The following SYNE2 variants were observed in gnomAD, a reference collection of about 807,000 sequenced individuals.
SYNE2 encodes spectrin repeat containing nuclear envelope protein 2.
In SYNE2, 431 loss-of-function variants were observed where a neutral mutation model predicts 856.3. The observed-to-expected ratio is 0.50, with a 90% CI of 0.47 to 0.55. SYNE2 has a LOEUF of 0.55. Ranked by LOEUF, SYNE2 falls within the 20% of genes least tolerant of loss-of-function variation. The probability of loss-of-function intolerance (pLI) is 0.00; values close to 1 mark genes in which losing one functional copy is unlikely to be tolerated. For missense variants in SYNE2, 8,129 were observed against 8,023.2 expected (o/e 1.01, Z -0.50); for synonymous variants, 2,923 against 2,872.3 (o/e 1.02, Z -0.56).
intron 2 of SYNE2, among the ~76,000 whole-genome samples, chr14:63,927,891 GA>G (rs985000511): frequency 2.1e-4 from 31 of 145,202 alleles, no homozygotes; most frequent in South Asian, 6.6e-4. Context: ...GACTCCATCT[GA>G]AAAAAAAAAA....
intron 70 of SYNE2, among the ~76,000 whole-genome samples, chr14:64,123,710 T>C (rs1460933982): frequency 1.3e-5 from 2 of 152,202 alleles, no homozygotes; most frequent in Non-Finnish European, 1.5e-5. Flanking sequence ...TTTCAGTACT[T>C]ATTTAGCTTT....
chr14:63,783,972 G>T (rs553606765), intron 1 of SYNE2, among the ~76,000 whole-genome samples: 72 of 152,156 alleles, frequency 4.7e-4, no homozygotes, highest in Non-Finnish European at 9.8e-4. Flanking sequence ...GAAAATACAC[G>T]CAAATGTATC....
intron 1 of SYNE2, among the ~76,000 whole-genome samples, chr14:63,900,707 A>C (rs1162986474): frequency 6.6e-6 from 1 of 152,212 alleles, no homozygotes; most frequent in Admixed American, 6.5e-5. Flanking sequence ...AATAGAGTGG[A>C]TCTTACAAAT....
chr14:64,007,272 C>T (rs753550759), intron 31 of SYNE2, 50 bp downstream of exon 31: 1 of 1,570,568 alleles, frequency 6.4e-7, no homozygotes. Context: ...GTCTGTAGCA[C>T]AATTAACTTT....
rs761712167 is a variant in SYNE2 at position 64,022,874 on chromosome 14, T to C, written c.5637+11T>C. On this transcript the variant is annotated intron_variant, in intron 38 of 115. Transcript: ENST00000555002. ...CTACAAAAACTTTCTGTAAGAGATA[T>C]ATGTGTATTTTTAATAAAAATTTTC... 7.8e-6 allele frequency: 11 copies of C among 1,409,048 alleles called. No individual in the cohort carries two copies. In the East Asian group the frequency reaches 1.7e-4, roughly 21 times the overall value. 87.3% of individuals were successfully genotyped at this position (1,409,048 alleles called of 1,614,324 possible).
At chr14:63,946,779 T>C (rs1444381780) in intron 6 of SYNE2, among the ~76,000 whole-genome samples, 1 of 151,634 alleles carries the variant, frequency 6.6e-6, no homozygotes, top group Non-Finnish European at 1.5e-5. Flanking sequence ...TTTCAATCTT[T>C]TAATGAAGAA....
chr14:63,940,070 A>ATTTTTTTTT lies in SYNE2; in HGVS notation c.80-534_80-526dup, dbSNP rs10666086. Among the ~76,000 whole-genome samples the ATTTTTTTTT allele has an allele frequency of 7.7e-5, 10 of 129,396 alleles. 2 individuals are homozygous for ATTTTTTTTT. The highest frequency in any genetic ancestry group is 9.5e-5 in the Non-Finnish European group (6 of 62,948). The allele number at this position is 129,396 out of a possible 152,430, so 84.9% of individuals were successfully genotyped here. A position where few individuals can be genotyped will look rare whatever the true frequency, so the allele number is the denominator to read the frequency against. ...TCAAGGTGGTATAGGGTCTCAGTTC[A>ATTTTTTTTT]TTTTTTTTTTTTTTTTTTCTTTCAT... On this transcript the variant is annotated intron_variant, in intron 2 of 115. Transcript: ENST00000555002.
chr14:64,175,518 C>A (rs560740517), intron 95 of SYNE2, among the ~76,000 whole-genome samples: 1 of 152,128 alleles, frequency 6.6e-6, no homozygotes, highest in East Asian at 1.9e-4. Flanking sequence ...ATGATTATAC[C>A]TTTAAGAACT....
chr14:64,109,340 G>C (rs1433922623), intron 65 of SYNE2, among the ~76,000 whole-genome samples: 1 of 151,690 alleles, frequency 6.6e-6, no homozygotes, highest in African/African-American at 2.4e-5. Flanking sequence ...ATATGGGCCA[G>C]GTACTGGGAT....
chr14:64,132,302 T>C lies in SYNE2; in HGVS notation c.14378T>C (p.Ile4793Thr), dbSNP rs1281282356. The C allele has an allele frequency of 6.2e-7, 1 of 1,614,014 alleles. No homozygotes were observed. Among genetic ancestry groups the C allele is most frequent in the South Asian group, 1.1e-5 (1 of 91,066 alleles). Residue 4793 changes from isoleucine (I) to threonine (T), a missense_variant, in exon 77 of 116, where the codon ATC becomes ACC. Coordinates refer to ENST00000555002, the MANE Select transcript of SYNE2 (RefSeq NM_182914.3). ...FQKLVADMLL[I>T]QAYSAKILPS... ...AAGCTTGTTGCTGACATGTTGTTGA[T>C]CCAAGCATACTCTGCCAAAATACTT...
At chr14:63,844,050 T>C (rs1191623685) in intron 1 of SYNE2, among the ~76,000 whole-genome samples, 1 of 152,202 alleles carries the variant, frequency 6.6e-6, no homozygotes, top group East Asian at 1.9e-4. Flanking sequence ...AGTCTATAGT[T>C]TACATTAGGG....
At chr14:64,189,608 G>A (rs1213583346) in intron 98 of SYNE2, among the ~76,000 whole-genome samples, 2 of 152,174 alleles carry the variant, frequency 1.3e-5, no homozygotes, top group South Asian at 2.1e-4. Context: ...AATAATTATT[G>A]CCTTACATAT....
chr14:63,957,117 CTT>C (rs534383053), intron 8 of SYNE2, among the ~76,000 whole-genome samples: 34 of 143,578 alleles, frequency 2.4e-4, no homozygotes, highest in Admixed American at 4.2e-4. Context: ...TACTTCATTC[CTT>C]TTTTTTTTTT....
chr14:63,897,081 G>C (rs1179628234), intron 1 of SYNE2, among the ~76,000 whole-genome samples: 1 of 152,078 alleles, frequency 6.6e-6, no homozygotes, highest in Non-Finnish European at 1.5e-5. Flanking sequence ...GTGAAACCTT[G>C]TCTCTACCAA....
intron 1 of SYNE2, among the ~76,000 whole-genome samples, chr14:63,874,943 G>A (rs187489967): frequency 1.6e-3 from 244 of 152,174 alleles, no homozygotes; most frequent in African/African-American, 5.6e-3. Context: ...CAAAGGGTGT[G>A]GTGTTATCAC....
At chr14:64,162,838 A>T (rs1022823718) in intron 88 of SYNE2, 3 of 192,612 alleles carry the variant, frequency 1.6e-5, no homozygotes, top group Admixed American at 5.3e-5. Flanking sequence ...TCAAATCAAA[A>T]CGTGGCAACC....
chr14:63,881,004 C>T (rs1184666772), intron 1 of SYNE2, among the ~76,000 whole-genome samples: 1 of 152,062 alleles, frequency 6.6e-6, no homozygotes, highest in African/African-American at 2.4e-5. Context: ...TGTACCACCA[C>T]ATCCGGCTAA....
At chr14:64,060,262 T>G (rs2097306037) in intron 49 of SYNE2, among the ~76,000 whole-genome samples, 1 of 152,178 alleles carries the variant, frequency 6.6e-6, no homozygotes, top group Admixed American at 6.5e-5. Flanking sequence ...GAGTCCCACC[T>G]GAAGCCAGCA....
chr14:64,086,891 G>A (rs2097566880), intron 57 of SYNE2, among the ~76,000 whole-genome samples: 2 of 151,154 alleles, frequency 1.3e-5, no homozygotes, highest in African/African-American at 4.9e-5. Flanking sequence ...TGTATTTTTA[G>A]TAGAGACAGG....
Sources: allele counts gnomAD v4.1 joint callset (sites outside exome capture counted in the v4.1 genomes callset), GRCh38; gene constraint gnomAD v4.1.1; transcripts MANE v1.5; gene names NCBI Gene and HGNC (gene_info 2026-07-23, HGNC 2026-07-21).